The following NXN variants were observed in gnomAD, a reference collection of about 807,000 sequenced individuals.
The protein encoded by NXN is nucleoredoxin 1.
NXN carries 16 observed loss-of-function variants against 48.6 expected under a neutral mutation model. The observed-to-expected ratio is 0.33, with a 90% CI of 0.22 to 0.50. The LOEUF (loss-of-function observed/expected upper bound fraction) is 0.50. Ranked by LOEUF, NXN falls within the 20% of genes least tolerant of loss-of-function variation. The pLI is 0.98. For synonymous variants in NXN, 281 were observed against 269.6 expected (o/e 1.04, Z -0.41); for missense variants, 492 against 605.5 (o/e 0.81, Z 1.97).
intron 1 of NXN, among the ~76,000 whole-genome samples, chr17:930,874 T>G (rs62067200): frequency 6.6e-6 from 1 of 151,002 alleles, no homozygotes; most frequent in South Asian, 2.1e-4. Context: ...CGGGTTCAAG[T>G]GATTCTCCTG....
At chr17:904,238 C>G (rs2068562136) in intron 1 of NXN, among the ~76,000 whole-genome samples, 1 of 152,182 alleles carries the variant, frequency 6.6e-6, no homozygotes, top group Non-Finnish European at 1.5e-5. Flanking sequence ...CCAAAACTCC[C>G]AGGTTGTAAG....
chr17:853,723 A>ATATATATATATATATATATTTTTT (rs1491528474), intron 1 of NXN, among the ~76,000 whole-genome samples: 2 of 106,002 alleles, frequency 1.9e-5, no homozygotes, highest in African/African-American at 8.6e-5. Flanking sequence ...ATATATATAT[A>ATATATATATATATATATATTTTTT]TTTTTTTTTT....
intron 1 of NXN, among the ~76,000 whole-genome samples, chr17:867,819 G>A (rs534956424): frequency 4.6e-5 from 7 of 152,046 alleles, no homozygotes; most frequent in African/African-American, 1.4e-4. Flanking sequence ...GCAGCTACTC[G>A]GGAGGCTGAG....
rs953939264 is a variant in NXN, at chr17:824,552, G to A, written c.479-787C>T. On this transcript the variant is annotated intron_variant, in intron 2 of 7. Coordinates refer to ENST00000336868, the MANE Select transcript of NXN (RefSeq NM_022463.5). ...CACATCCCGGCCGTCACATCCCAGC[G>A]GCTGTCAGCTCTGACTGTACTTGGA... Among the ~76,000 whole-genome samples, 60 of 152,280 alleles carry A rather than the reference G, an allele frequency of 3.9e-4. 1 individual carries two copies. Among genetic ancestry groups the A allele is most frequent in the African/African-American group, 1.3e-3 (54 of 41,560 alleles).
At chr17:816,553 C>T (rs1912483741) in intron 5 of NXN, among the ~76,000 whole-genome samples, 1 of 152,058 alleles carries the variant, frequency 6.6e-6, no homozygotes, top group Non-Finnish European at 1.5e-5. Flanking sequence ...CTGGTCTCCC[C>T]GACGAGGCCA....
chr17:878,456 G>C (rs1371686424), intron 1 of NXN, among the ~76,000 whole-genome samples: 4 of 120,472 alleles, frequency 3.3e-5, no homozygotes, highest in Admixed American at 2.4e-4. Context: ...GCGGGCGGGG[G>C]TGGGGGGACC....
chr17:806,532 C>T (rs1911534858), intron 5 of NXN, among the ~76,000 whole-genome samples: 2 of 152,176 alleles, frequency 1.3e-5, no homozygotes, highest in Non-Finnish European at 2.9e-5. Flanking sequence ...CCACGGCCCA[C>T]CCTTCGGGGA....
rs757340918 is a variant in NXN at position 919,701 on chromosome 17, G to A, written c.360+59618C>T. On this transcript the variant is annotated intron_variant, in intron 1 of 7. Transcript: ENST00000336868. This position sits in a 1 kb window ranked among gnomAD's most constrained non-coding sequence, Gnocchi z 5.1. Reference sequence around the variant, plus strand: ...CCAATCAGCCCTTACCAGGCAGTGCGTGGCTCCAGAACAACAACTGAAAAT... The same window carrying A: ...CCAATCAGCCCTTACCAGGCAGTGCATGGCTCCAGAACAACAACTGAAAAT... Among the ~76,000 whole-genome samples the A allele has an allele frequency of 3.3e-5, 5 of 152,126 alleles. No individual in the cohort carries two copies. The highest frequency in any genetic ancestry group is 3.9e-4 in the East Asian group (2 of 5,178).
intron 5 of NXN, among the ~76,000 whole-genome samples, chr17:810,057 G>A (rs1911852418): frequency 1.5e-5 from 2 of 133,646 alleles, no homozygotes; most frequent in East Asian, 2.4e-4. Flanking sequence ...TGCACGTTAC[G>A]AGTCCCTGTG....
intron 1 of NXN, among the ~76,000 whole-genome samples, chr17:876,373 A>C (rs542497419): frequency 2.0e-5 from 3 of 152,298 alleles, no homozygotes; most frequent in African/African-American, 7.2e-5. Flanking sequence ...CAGGTGACAG[A>C]GGGACTTAAG....
intron 5 of NXN, among the ~76,000 whole-genome samples, chr17:812,633 T>G (rs1306543385): frequency 1.4e-5 from 2 of 140,916 alleles, no homozygotes; most frequent in Non-Finnish European, 3.3e-5. Flanking sequence ...TGAGTGTAGG[T>G]GTGTGTGAGT....
chr17:973,462 C>T (rs1028522009), intron 1 of NXN, among the ~76,000 whole-genome samples: 7 of 152,198 alleles, frequency 4.6e-5, no homozygotes, highest in African/African-American at 1.7e-4. Flanking sequence ...GCCTGATCAT[C>T]TTTAAGTTAC....
In NXN at chr17:881,647, AT is replaced by A. The variant is rs539351301; in HGVS notation, c.361-55570del. The stretch of plus-strand genomic sequence containing the variant: ...TACTCATCAGTATTTACCCAAGATA[AT>A]TTTTTTAAGTCCATAAAAATGTTTA... On this transcript the variant is annotated intron_variant, in intron 1 of 7. Transcript: ENST00000336868. 9.2e-5 allele frequency among the ~76,000 whole-genome samples: 14 copies of A among 152,248 alleles called. No homozygotes were observed. The East Asian group carries it at 2.3e-3, about 25-fold the overall frequency.
chr17:831,262 C>T (rs1278959674), intron 1 of NXN, among the ~76,000 whole-genome samples: 1 of 151,876 alleles, frequency 6.6e-6, no homozygotes, highest in Non-Finnish European at 1.5e-5. Context: ...GACTTCAAGA[C>T]CAGCCTGGGC....
intron 1 of NXN, among the ~76,000 whole-genome samples, chr17:971,081 G>A (rs145403157): frequency 4.6e-5 from 7 of 151,414 alleles, no homozygotes; most frequent in Non-Finnish European, 1.0e-4. Context: ...TCAGTAGCTC[G>A]GATTACAGGC....
chr17:914,952 T>C (rs2144933759), intron 1 of NXN, among the ~76,000 whole-genome samples: 1 of 152,296 alleles, frequency 6.6e-6, no homozygotes, highest in Non-Finnish European at 1.5e-5. Flanking sequence ...AGTTGATTTT[T>C]TTTTTTAGAC....
intron 1 of NXN, among the ~76,000 whole-genome samples, chr17:838,839 C>T (rs1913974118): frequency 6.6e-6 from 1 of 152,192 alleles, no homozygotes; most frequent in Admixed American, 6.5e-5. Context: ...GGGGCCGCTC[C>T]AAGAACCCAC....
chr17:924,887 A>G (rs1407846614), intron 1 of NXN, among the ~76,000 whole-genome samples: 1 of 152,228 alleles, frequency 6.6e-6, no homozygotes, highest in African/African-American at 2.4e-5. Context: ...GCCCAGGTAA[A>G]GGCAGGAAGT....
chr17:901,692 G>T (rs1196814133), intron 1 of NXN, among the ~76,000 whole-genome samples: 2 of 151,960 alleles, frequency 1.3e-5, no homozygotes, highest in African/African-American at 2.4e-5. Context: ...CTTGCTGTTT[G>T]TTTTTTTGTT....
Sources: gnomAD v4.1 joint callset for allele counts (sites outside exome capture counted in the v4.1 genomes callset) on GRCh38, gnomAD v4.1.1 for gene constraint, Gnocchi (gnomAD v3.1) non-coding constraint, MANE v1.5 for transcripts, NCBI Gene and HGNC (gene_info 2026-07-23, HGNC 2026-07-21) for gene names.